Variants in NOVA2 observed in about 807,000 individuals in gnomAD.
NOVA2 encodes NOVA alternative splicing regulator 2.
Under a neutral mutation model 22.5 loss-of-function variants are expected in NOVA2, and 9 were observed. That is an observed-to-expected ratio of 0.40 (90% CI 0.24 to 0.70). The LOEUF (loss-of-function observed/expected upper bound fraction) is 0.70. Among genes scored for constraint, NOVA2 ranks in the 30% least tolerant of loss-of-function variants. The probability of loss-of-function intolerance (pLI) is 0.38; values close to 1 mark genes in which losing one functional copy is unlikely to be tolerated. For missense variants in NOVA2, 383 were observed against 682.8 expected (o/e 0.56, Z 4.89); for synonymous variants, 318 against 335.2 (o/e 0.95, Z 0.56).
chr19:45,967,787 CAA>C (rs1410125667), intron 1 of NOVA2: 2 of 152,052 alleles, frequency 1.3e-5, no homozygotes, highest in African/African-American at 4.8e-5. Flanking sequence ...ACTAAAAATA[CAA>C]AAGTTAGCCG....
chr19:45,966,104 C>T (rs541139932), intron 1 of NOVA2, among the ~76,000 whole-genome samples: 1 of 152,248 alleles, frequency 6.6e-6, no homozygotes, highest in Admixed American at 6.5e-5. Context: ...AGGGGGCTGT[C>T]CCAAACTTTT....
intron 2 of NOVA2, 52 bp from the exon 3 acceptor site, chr19:45,953,998 T>A: frequency 6.3e-7 from 1 of 1,587,506 alleles, no homozygotes; most frequent in Non-Finnish European, 8.6e-7. Flanking sequence ...AATGGGAACA[T>A]TCCTGAGAGA....
chr19:45,951,929 C>A (rs1457789697), intron 3 of NOVA2, among the ~76,000 whole-genome samples: 1 of 152,058 alleles, frequency 6.6e-6, no homozygotes, highest in Non-Finnish European at 1.5e-5. Flanking sequence ...TGCAATAATT[C>A]GGTGGATTTG....
chr19:45,953,517 C>T (rs1334271619), intron 3 of NOVA2, among the ~76,000 whole-genome samples: 4 of 152,126 alleles, frequency 2.6e-5, no homozygotes, highest in African/African-American at 4.8e-5. Flanking sequence ...AAGAAAGGAT[C>T]GAACAATAGG....
chr19:45,960,690 C>A (rs1233818232), intron 2 of NOVA2, among the ~76,000 whole-genome samples: 1 of 152,114 alleles, frequency 6.6e-6, no homozygotes, highest in Non-Finnish European at 1.5e-5. Flanking sequence ...GCCCTGACAC[C>A]TGCCTCCCTC....
chr19:45,963,066 A>G (rs779740824), intron 1 of NOVA2, among the ~76,000 whole-genome samples: 32 of 152,042 alleles, frequency 2.1e-4, no homozygotes, highest in Non-Finnish European at 4.3e-4. Flanking sequence ...AATTCTGGAC[A>G]CTTCTCAGTA....
At chr19:45,948,113 G>A (rs1366527843) in intron 3 of NOVA2, among the ~76,000 whole-genome samples, 1 of 152,228 alleles carries the variant, frequency 6.6e-6, no homozygotes, top group East Asian at 1.9e-4. Context: ...CTGAGAGTGA[G>A]TGCCCTTCAG....
intron 3 of NOVA2, among the ~76,000 whole-genome samples, chr19:45,949,631 A>G (rs906572214): frequency 2.0e-5 from 3 of 152,070 alleles, no homozygotes; most frequent in African/African-American, 7.2e-5. Flanking sequence ...TTCCCGATCC[A>G]TACGATTTGT....
At chr19:45,946,920 G>T (rs1212534880) in intron 3 of NOVA2, among the ~76,000 whole-genome samples, 9 of 150,848 alleles carry the variant, frequency 6.0e-5, no homozygotes, top group Admixed American at 5.9e-4. Context: ...GTGCGCACGC[G>T]CATGTACACA....
rs115417079 is a variant in NOVA2 at position 45,950,741 on chromosome 19, A to T, written c.396+3039T>A. ...AGACCATCTGCCCCAGTGATTTGCA[A>T]GCCCATGGAAATTTGCAAATACTAC... On this transcript the variant is annotated intron_variant, in intron 3 of 3. Transcript: ENST00000263257. Among the ~76,000 whole-genome samples the T allele has an allele frequency of 7.4e-3, 1,127 of 152,300 alleles. 16 individuals are homozygous for T. Among genetic ancestry groups the T allele is most frequent in the African/African-American group, 0.026 (1,081 of 41,560 alleles).
At chr19:45,947,351 T>G (rs1318570868) in intron 3 of NOVA2, among the ~76,000 whole-genome samples, 3 of 152,012 alleles carry the variant, frequency 2.0e-5, no homozygotes, top group African/African-American at 7.2e-5. Flanking sequence ...AGCAGGTGTA[T>G]CTTACCTGGT....
At chr19:45,942,647 CT>C (rs1414323095) in intron 3 of NOVA2, among the ~76,000 whole-genome samples, 5 of 152,068 alleles carry the variant, frequency 3.3e-5, no homozygotes, top group Non-Finnish European at 5.9e-5. Context: ...TTTCAATCTC[CT>C]TCTAATTCCT....
Position 45,940,140 on chromosome 19 carries a change from G to A in NOVA2, c.1202C>T (p.Ala401Val), listed in dbSNP as rs764587560. ...AGGFLTAEKL[A>V]AESAKELVEI... ...CACCAGCTCCTTGGCACTCTCAGCC[G>A]CCAGCTTCTCCGCCGTCAGGAAGCC... Residue 401 changes from alanine to valine, a missense_variant, in exon 4 of 4, where the codon GCG (alanine) becomes GTG (valine). By Grantham distance (64) the Ala-to-Val change is moderately conservative. Transcript: ENST00000263257. 1.2e-6 allele frequency: 2 copies of A among 1,609,058 alleles called. No homozygotes were observed. The highest frequency in any genetic ancestry group is 1.7e-6 in the Non-Finnish European group (2 of 1,179,348).
rs561215868 is a variant in NOVA2 at position 45,965,310 on chromosome 19, A to C, written c.86-4157T>G. ...CTGCTTCCCTCTGAGGGTGGAAGGT[A>C]TTCATTTTCTCTGAAGAAAACTGGG... On this transcript the variant is annotated intron_variant, in intron 1 of 3. Coordinates refer to ENST00000263257, the MANE Select transcript of NOVA2 (RefSeq NM_002516.4). Among the ~76,000 whole-genome samples, 15 of 152,258 alleles carry C rather than the reference A, an allele frequency of 9.9e-5. 1 individual carries two copies. In the East Asian group the frequency reaches 2.9e-3, roughly 29 times the overall value.
At chr19:45,963,980 G>C (rs2146425110) in intron 1 of NOVA2, among the ~76,000 whole-genome samples, 1 of 152,122 alleles carries the variant, frequency 6.6e-6, no homozygotes, top group Admixed American at 6.5e-5. Context: ...CACATCCATA[G>C]AGCTCACCCA....
Position 45,962,079 on chromosome 19 carries a change from CTT to C in NOVA2, c.86-928_86-927del, listed in dbSNP as rs553754774. 2.7e-3 allele frequency among the ~76,000 whole-genome samples: 415 copies of C among 152,202 alleles called. 1 individual carries two copies. Among genetic ancestry groups the C allele is most frequent in the Non-Finnish European group, 4.1e-3 (281 of 68,010 alleles). On this transcript the variant is annotated intron_variant, in intron 1 of 3. Transcript: ENST00000263257. ...GAGCCATGGGAGGGATGTGGCCTGA[CTT>C]AGGTTTTAGGAGGATTCCTCTGATG...
chr19:45,968,735 C>G (rs566206367), intron 1 of NOVA2, among the ~76,000 whole-genome samples: 2 of 152,170 alleles, frequency 1.3e-5, no homozygotes, highest in East Asian at 3.9e-4. Flanking sequence ...TTCAGACAAG[C>G]AGGCTGAGGC....
chr19:45,961,820 T>G (rs1409695277), intron 1 of NOVA2, among the ~76,000 whole-genome samples: 1 of 151,904 alleles, frequency 6.6e-6, no homozygotes, highest in Non-Finnish European at 1.5e-5. Flanking sequence ...ATCATCAGGA[T>G]ATGGAGGAAG....
intron 2 of NOVA2, among the ~76,000 whole-genome samples, chr19:45,957,750 C>G (rs1968025908): frequency 6.6e-6 from 1 of 151,332 alleles, no homozygotes; most frequent in African/African-American, 2.4e-5. Context: ...TGTGTCTGTG[C>G]TTTTCTTCAG....
Sources: gnomAD v4.1 joint callset for allele counts (sites outside exome capture counted in the v4.1 genomes callset) on GRCh38, gnomAD v4.1.1 for gene constraint, MANE v1.5 for transcripts, NCBI Gene and HGNC (gene_info 2026-07-23, HGNC 2026-07-21) for gene names.